Variants in DSTYK observed in about 807,000 individuals in gnomAD.
DSTYK encodes the protein dual serine/threonine and tyrosine protein kinase, also known as RIP-homologous kinase.
Under a neutral mutation model 98.7 loss-of-function variants are expected in DSTYK, and 34 were observed. That is an observed-to-expected ratio of 0.34 (90% CI 0.26 to 0.46). The LOEUF (loss-of-function observed/expected upper bound fraction) is 0.46. Among genes scored for constraint, DSTYK ranks in the 20% least tolerant of loss-of-function variants. The probability of loss-of-function intolerance (pLI) is 1.00; values close to 1 mark genes in which losing one functional copy is unlikely to be tolerated. For missense variants in DSTYK, 962 were observed against 1,181.7 expected, an observed-to-expected ratio of 0.81 and a Z score of 2.73; for synonymous variants, 462 against 457.3, an observed-to-expected ratio of 1.01 and a Z score of -0.13.
chr1:205,162,811 G>C, intron 5 of DSTYK, 112 bp downstream of exon 5: 1 of 818,262 alleles, frequency 1.2e-6, no homozygotes, highest in Non-Finnish European at 2.1e-6. Context: ...CAGAACAAAT[G>C]GTCACCCTGC....
At chr1:205,159,520 G>T (rs1416072819) in intron 9 of DSTYK, 27 bp downstream of exon 9, 1 of 1,593,974 alleles carries the variant, frequency 6.3e-7, no homozygotes, top group Non-Finnish European at 8.6e-7. Flanking sequence ...GGATTTGGCT[G>T]CCAGCTGGAT....
At chr1:205,159,310 A>C (rs561877657) in intron 9 of DSTYK, among the ~76,000 whole-genome samples, 6 of 152,270 alleles carry the variant, frequency 3.9e-5, no homozygotes, top group Admixed American at 2.0e-4. Flanking sequence ...ACTCGTCTCA[A>C]ACTCCTGGAC....
Position 205,147,415 on chromosome 1 carries a change from G to A in DSTYK, c.*143C>T, listed in dbSNP as rs1212660038. On this transcript the variant is annotated 3_prime_UTR_variant, in exon 13 of 13. Coordinates refer to ENST00000367162, the MANE Select transcript of DSTYK (RefSeq NM_015375.3). ...TCTTCACTGTCCAGGAGTCATCCCT[G>A]CCTGGGAAGGTTCCAAGTTTCCCAG... 7.0e-6 allele frequency: 6 copies of A among 854,936 alleles called. No homozygotes were observed. The highest frequency in any genetic ancestry group is 7.2e-6 in the Non-Finnish European group (4 of 556,588). 53.0% of individuals were successfully genotyped at this position (854,936 alleles called of 1,614,324 possible).
intron 1 of DSTYK, among the ~76,000 whole-genome samples, chr1:205,201,600 A>G (rs1323148281): frequency 6.6e-6 from 1 of 152,146 alleles, no homozygotes; most frequent in South Asian, 2.1e-4. Flanking sequence ...CATCATTCCA[A>G]TATCCACCAG....
chr1:205,166,561 G>A (rs1327425803), intron 3 of DSTYK, among the ~76,000 whole-genome samples: 1 of 152,040 alleles, frequency 6.6e-6, no homozygotes, highest in Non-Finnish European at 1.5e-5. Flanking sequence ...AAAGCACTTA[G>A]AACAAGGTAA....
intron 1 of DSTYK, among the ~76,000 whole-genome samples, chr1:205,210,837 G>A (rs1029414818): frequency 1.2e-4 from 18 of 152,238 alleles, no homozygotes; most frequent in African/African-American, 4.3e-4. Flanking sequence ...TGGCCTCCTC[G>A]GACTCCCGGG....
intron 9 of DSTYK, among the ~76,000 whole-genome samples, chr1:205,157,849 C>A (rs1000471624): frequency 1.3e-5 from 2 of 151,648 alleles, no homozygotes; most frequent in African/African-American, 2.4e-5. Context: ...GTAAAGGAGA[C>A]AAAGCCAGAT....
At chr1:205,152,660 A>ATTTTT (rs572810153) in intron 10 of DSTYK, among the ~76,000 whole-genome samples, 334 of 138,156 alleles carry the variant, frequency 2.4e-3, no homozygotes, top group African/African-American at 8.4e-3. Context: ...TTTGAATTTC[A>ATTTTT]TTTTTTTTTT....
intron 2 of DSTYK, among the ~76,000 whole-genome samples, chr1:205,175,570 C>T (rs1051558525): frequency 2.0e-5 from 3 of 152,004 alleles, no homozygotes; most frequent in Non-Finnish European, 4.4e-5. Flanking sequence ...GGCAGCAGTA[C>T]GAATTAGGCT....
intron 1 of DSTYK, among the ~76,000 whole-genome samples, chr1:205,201,000 G>A (rs1455735832): frequency 6.6e-6 from 1 of 152,014 alleles, no homozygotes; most frequent in Non-Finnish European, 1.5e-5. Context: ...CCGCCTCCCA[G>A]GTTCAAGCTG....
chr1:205,194,757 A>G lies in DSTYK; in HGVS notation c.266-6951T>C, dbSNP rs572117918. Among the ~76,000 whole-genome samples the G allele has an allele frequency of 5.3e-5, 8 of 151,882 alleles. No individual in the cohort carries two copies. The South Asian group carries it at 1.7e-3, about 32-fold the overall frequency. ...GTCGCCCAGGCTGGAGTGCAGTAGC[A>G]TGATCTTGGGTCATAGCAACCTCCA... is the stretch of plus-strand genomic sequence containing the variant. On this transcript the variant is annotated intron_variant, in intron 1 of 12. Transcript: ENST00000367162.
rs191952898 is a variant in DSTYK, at chr1:205,177,876, A to G, written c.655-8044T>C. Among the ~76,000 whole-genome samples, 662 of 152,218 alleles carry G rather than the reference A, an allele frequency of 4.3e-3. 3 individuals carry two copies. The highest frequency in any genetic ancestry group is 5.8e-3 in the Non-Finnish European group (393 of 68,000). On this transcript the variant is annotated intron_variant, in intron 2 of 12. Transcript: ENST00000367162. Reference sequence around the variant, plus strand: ...AGCGAGACTTCATCTCAAAAAAAAAAAAAGAAAAAGAAAATACCTTGACTC... The same window carrying G: ...AGCGAGACTTCATCTCAAAAAAAAAGAAAGAAAAAGAAAATACCTTGACTC...
chr1:205,156,278 G>A (rs1231422976), intron 10 of DSTYK, among the ~76,000 whole-genome samples: 5 of 151,996 alleles, frequency 3.3e-5, no homozygotes, highest in African/African-American at 1.2e-4. Flanking sequence ...GAACCCAGAA[G>A]GGTAGATCCA....
intron 1 of DSTYK, among the ~76,000 whole-genome samples, chr1:205,210,182 C>G (rs1166519194): frequency 6.6e-6 from 1 of 152,022 alleles, no homozygotes. Context: ...GGATTACAGA[C>G]GTGAGCCACC....
intron 10 of DSTYK, 146 bp downstream of exon 10, chr1:205,157,127 G>T: frequency 1.6e-6 from 1 of 644,310 alleles, no homozygotes; most frequent in East Asian, 2.8e-5. Context: ...CCAGTCTTAG[G>T]TATGTCTTTA....
chr1:205,198,071 T>G (rs370394899), intron 1 of DSTYK, among the ~76,000 whole-genome samples: 2 of 152,214 alleles, frequency 1.3e-5, no homozygotes, highest in South Asian at 2.1e-4. Flanking sequence ...CACATGCCTG[T>G]AATCCCAGCT....
chr1:205,161,676 C>A (rs531204401), intron 6 of DSTYK, among the ~76,000 whole-genome samples: 1 of 152,252 alleles, frequency 6.6e-6, no homozygotes, highest in South Asian at 2.1e-4. Context: ...GTTGGAAAGT[C>A]ATGTCCTTCT....
chr1:205,196,782 G>A (rs1323703360), intron 1 of DSTYK, among the ~76,000 whole-genome samples: 3 of 30,890 alleles, frequency 9.7e-5, no homozygotes. Flanking sequence ...TTTTTTTTTT[G>A]AGATGGAGTT....
At position 205,197,058 on chromosome 1, in the gene DSTYK, C is replaced by T. The variant is rs553262770; in HGVS notation, c.266-9252G>A. ...GGGATTACAGGCATGAGCCACTGCG[C>T]CTGGCCCTAAAACTGGTGAATTTAA... On this transcript the variant is annotated intron_variant, in intron 1 of 12. Transcript: ENST00000367162. Among the ~76,000 whole-genome samples the T allele has an allele frequency of 3.9e-5, 6 of 151,906 alleles. No homozygotes were observed. The East Asian group carries it at 1.2e-3, about 29-fold the overall frequency.
Sources: gnomAD v4.1 joint callset for allele counts (sites outside exome capture counted in the v4.1 genomes callset) on GRCh38, gnomAD v4.1.1 for gene constraint, MANE v1.5 for transcripts, NCBI Gene and HGNC (gene_info 2026-07-23, HGNC 2026-07-21) for gene names.